SETBP1: variants seen among roughly 807,000 people sequenced by gnomAD.
SETBP1 encodes SET binding protein 1, also known as SET-binding protein.
SETBP1 carries 9 observed loss-of-function variants against 101.0 expected under a neutral mutation model. The observed-to-expected ratio is 0.09, with a 90% CI of 0.05 to 0.16. SETBP1 has a LOEUF of 0.16. Ranked by LOEUF, SETBP1 falls within the 10% of genes least tolerant of loss-of-function variation. The pLI, the probability that SETBP1 is intolerant of heterozygous loss-of-function variation, is 1.00. For synonymous variants in SETBP1, 818 were observed against 788.5 expected (o/e 1.04, Z -0.63); for missense variants, 1,858 against 2,033.8 (o/e 0.91, Z 1.66).
chr18:44,971,891 T>C (rs2071870631), intron 4 of SETBP1, among the ~76,000 whole-genome samples: 1 of 152,198 alleles, frequency 6.6e-6, no homozygotes, highest in South Asian at 2.1e-4. Flanking sequence ...TTAGATCCCA[T>C]TTGTCAATTT....
intron 3 of SETBP1, among the ~76,000 whole-genome samples, chr18:44,889,463 T>C (rs899684561): frequency 5.3e-5 from 8 of 152,220 alleles, no homozygotes; most frequent in African/African-American, 1.9e-4. Flanking sequence ...GCCCCAGTCA[T>C]GTGGGGAGTG....
intron 2 of SETBP1, among the ~76,000 whole-genome samples, chr18:44,823,854 C>A (rs2072172298): frequency 6.6e-6 from 1 of 152,102 alleles, no homozygotes; most frequent in African/African-American, 2.4e-5. Context: ...GTGGTAAGTT[C>A]TTGAGGTGAG....
chr18:45,056,654 G>A (rs1052353347), intron 5 of SETBP1, among the ~76,000 whole-genome samples: 3 of 152,330 alleles, frequency 2.0e-5, no homozygotes, highest in East Asian at 3.9e-4. Context: ...GGTGGCAGGG[G>A]CAGGAGAGCA....
At chr18:45,051,753 C>G (rs1202455899) in intron 5 of SETBP1, among the ~76,000 whole-genome samples, 1 of 152,180 alleles carries the variant, frequency 6.6e-6, no homozygotes, top group Admixed American at 6.5e-5. Context: ...CTTGGTGACT[C>G]TTAATAAATT....
intron 4 of SETBP1, among the ~76,000 whole-genome samples, chr18:44,970,757 G>A (rs1312017127): frequency 1.3e-5 from 2 of 152,042 alleles, no homozygotes; most frequent in Admixed American, 6.6e-5. Flanking sequence ...CACCATGTTG[G>A]TCAGGCTGGT....
At chr18:44,989,581 T>G (rs998957439) in intron 4 of SETBP1, among the ~76,000 whole-genome samples, 2 of 151,954 alleles carry the variant, frequency 1.3e-5, no homozygotes, top group Non-Finnish European at 2.9e-5. Flanking sequence ...CCATCAATCC[T>G]CAGAAGCTGA....
intron 2 of SETBP1, among the ~76,000 whole-genome samples, chr18:44,759,380 A>G (rs2070585410): frequency 6.6e-6 from 1 of 152,160 alleles, no homozygotes; most frequent in Non-Finnish European, 1.5e-5. Flanking sequence ...GTAAAGCATA[A>G]TCCCTCCCTG....
intron 4 of SETBP1, among the ~76,000 whole-genome samples, chr18:45,022,639 G>A (rs1008166045): frequency 2.6e-5 from 4 of 152,142 alleles, no homozygotes; most frequent in Non-Finnish European, 5.9e-5. Flanking sequence ...AGACCAGCCT[G>A]GCCAACATGG....
intron 4 of SETBP1, among the ~76,000 whole-genome samples, chr18:44,970,878 T>TA (rs1208251347): frequency 6.6e-6 from 1 of 151,956 alleles, no homozygotes; most frequent in Middle Eastern, 3.2e-3. Flanking sequence ...TTTTTTTTTT[T>TA]AATTATACTT....
intron 3 of SETBP1, among the ~76,000 whole-genome samples, chr18:44,872,687 ATGTGCAGGCTG>A (rs2069305821): frequency 2.0e-5 from 3 of 152,376 alleles, no homozygotes; most frequent in Non-Finnish European, 4.4e-5. Context: ...TCCTACAAGA[ATGTGCAGGCTG>A]CTTAAACTTT....
intron 2 of SETBP1, among the ~76,000 whole-genome samples, chr18:44,743,811 C>T (rs1423219813): frequency 6.6e-6 from 1 of 152,200 alleles, no homozygotes; most frequent in African/African-American, 2.4e-5. Flanking sequence ...CACCCTGCTG[C>T]CATTGTCTGC....
intron 2 of SETBP1, among the ~76,000 whole-genome samples, chr18:44,847,886 C>A (rs536171877): frequency 6.6e-6 from 1 of 152,208 alleles, no homozygotes; most frequent in African/African-American, 2.4e-5. Context: ...TCATGACCTG[C>A]ATGAAGTTAG....
At chr18:44,943,685 G>A (rs562633452) in intron 3 of SETBP1, among the ~76,000 whole-genome samples, 4 of 152,292 alleles carry the variant, frequency 2.6e-5, no homozygotes, top group Admixed American at 2.0e-4. Context: ...GCTTGTGGTT[G>A]CATTCTTTGT....
chr18:45,053,361 C>T (rs1479854891), intron 5 of SETBP1, among the ~76,000 whole-genome samples: 3 of 152,082 alleles, frequency 2.0e-5, no homozygotes, highest in African/African-American at 7.2e-5. Flanking sequence ...ATAGGAAACA[C>T]AGATGAAGGA....
At chr18:44,937,096 C>G (rs1599346876) in intron 3 of SETBP1, among the ~76,000 whole-genome samples, 1 of 152,182 alleles carries the variant, frequency 6.6e-6, no homozygotes, top group Non-Finnish European at 1.5e-5. Context: ...CTACTATGGG[C>G]CAAGCACTGT....
chr18:45,003,980 T>A (rs1346280291), intron 4 of SETBP1, among the ~76,000 whole-genome samples: 1 of 152,174 alleles, frequency 6.6e-6, no homozygotes, highest in Non-Finnish European at 1.5e-5. Context: ...TTATTACAGC[T>A]AAGTGGGGGC....
At chr18:44,845,280 A>G (rs1198338652) in intron 2 of SETBP1, among the ~76,000 whole-genome samples, 3 of 152,134 alleles carry the variant, frequency 2.0e-5, no homozygotes. Context: ...CCACAGTAAC[A>G]TCTCCTGGAA....
intron 4 of SETBP1, among the ~76,000 whole-genome samples, chr18:44,960,335 C>A (rs7241865): frequency 0.22 from 33,377 of 151,922 alleles, 4,004 homozygotes; most frequent in East Asian, 0.55. Flanking sequence ...CGAGCAGTGG[C>A]AAGCCACTTT....
At chr18:44,723,496 G>C (rs1057514031) in intron 2 of SETBP1, among the ~76,000 whole-genome samples, 1 of 152,170 alleles carries the variant, frequency 6.6e-6, no homozygotes, top group Non-Finnish European at 1.5e-5. Flanking sequence ...ATCAGCGACA[G>C]TCGGCGGGGG....
Sources: gnomAD v4.1 joint callset for allele counts (sites outside exome capture counted in the v4.1 genomes callset) on GRCh38, gnomAD v4.1.1 for gene constraint, MANE v1.5 for transcripts, NCBI Gene and HGNC (gene_info 2026-07-23, HGNC 2026-07-21) for gene names.